The following GLDC variants were observed in gnomAD, a reference collection of about 807,000 sequenced individuals.
GLDC encodes glycine dehydrogenase (decarboxylating), mitochondrial.
Under a neutral mutation model 121.3 loss-of-function variants are expected in GLDC, and 104 were observed. The observed-to-expected ratio is 0.86, with a 90% CI of 0.73 to 1.01. The LOEUF is 1.01. GLDC is among the 50% of genes least tolerant of loss of function. GLDC has a pLI of 0.00. For synonymous variants in GLDC, 546 were observed against 480.6 expected, an observed-to-expected ratio of 1.14 and a Z score of -1.78; for missense variants, 1,429 against 1,306.6, an observed-to-expected ratio of 1.09 and a Z score of -1.44.
chr9:6,579,505 TC>T (rs1298778959), intron 15 of GLDC, among the ~76,000 whole-genome samples: 1 of 148,536 alleles, frequency 6.7e-6, no homozygotes, highest in Non-Finnish European at 1.5e-5. Flanking sequence ...GAGTATCCCA[TC>T]CTGATTATTT....
intron 15 of GLDC, among the ~76,000 whole-genome samples, chr9:6,581,883 T>C (rs902853271): frequency 6.6e-6 from 1 of 152,148 alleles, no homozygotes; most frequent in Non-Finnish European, 1.5e-5. Context: ...ATTCATGGAA[T>C]GATAGGTAAT....
intron 4 of GLDC, among the ~76,000 whole-genome samples, chr9:6,607,104 C>A (rs1818750949): frequency 6.6e-6 from 1 of 152,058 alleles, no homozygotes; most frequent in African/African-American, 2.4e-5. Context: ...TCATCAGTAA[C>A]TAATGGCATT....
At position 6,533,074 on chromosome 9, in the gene GLDC, G is replaced by C. The variant is rs1333400037; in HGVS notation, c.3006C>G (p.Cys1002Trp). ...GAGACTCATAAACTTCCATGGGTGG[G>C]CAGGTACAAACCAGGTGCTGATCTC... ...IYGDQHLVCT[C>W]PPMEVYESPF... Residue 1002 changes from cysteine (C) to tryptophan (W), a missense_variant, in exon 25 of 25, where the codon TGC (cysteine) becomes TGG (tryptophan). Transcript: ENST00000321612. The C allele has an allele frequency of 6.2e-7, 1 of 1,610,760 alleles. No homozygotes were observed. Among genetic ancestry groups the C allele is most frequent in the African/African-American group, 1.3e-5 (1 of 74,854 alleles).
chr9:6,540,274 T>A, intron 21 of GLDC, 128 bp from the exon 22 acceptor site: 1 of 719,918 alleles, frequency 1.4e-6, no homozygotes, highest in South Asian at 1.5e-5. Context: ...CAAGAAGCCA[T>A]GGGCACCGGG....
chr9:6,593,971 G>A (rs1426739086), intron 9 of GLDC, among the ~76,000 whole-genome samples: 1 of 152,016 alleles, frequency 6.6e-6, no homozygotes, highest in African/African-American at 2.4e-5. Flanking sequence ...AGGATTACAG[G>A]CATGAGCCAC....
Position 6,641,745 on chromosome 9 carries a change from T to C in GLDC, c.334+2869A>G, listed in dbSNP as rs1228405648. ...ATAAATGTCTGAGATTACTGAGTTA[T>C]GTGTAATAAGTAACCCAAGTATTTC... On this transcript the variant is annotated intron_variant, in intron 2 of 24. Coordinates refer to ENST00000321612, the MANE Select transcript of GLDC (RefSeq NM_000170.3). 2.6e-5 allele frequency among the ~76,000 whole-genome samples: 4 copies of C among 152,264 alleles called. 1 individual carries two copies. Among genetic ancestry groups the C allele is most frequent in the South Asian group, 4.1e-4 (2 of 4,830 alleles).
intron 2 of GLDC, among the ~76,000 whole-genome samples, chr9:6,633,314 C>G (rs1399928309): frequency 6.6e-6 from 1 of 152,120 alleles, no homozygotes; most frequent in Middle Eastern, 3.2e-3. Context: ...GCTTTTCTTT[C>G]TTCCCCACAC....
At chr9:6,628,724 G>T (rs915641416) in intron 2 of GLDC, among the ~76,000 whole-genome samples, 12 of 152,232 alleles carry the variant, frequency 7.9e-5, no homozygotes, top group African/African-American at 2.9e-4. Context: ...CTGGGTGACA[G>T]AGTGAGACCC....
chr9:6,635,851 G>A (rs1294356480), intron 2 of GLDC, among the ~76,000 whole-genome samples: 1 of 151,268 alleles, frequency 6.6e-6, no homozygotes, highest in Non-Finnish European at 1.5e-5. Context: ...GTCGAGCCTG[G>A]GTGACATAGC....
At chr9:6,579,159 C>T (rs1370034358) in intron 15 of GLDC, among the ~76,000 whole-genome samples, 1 of 152,056 alleles carries the variant, frequency 6.6e-6, no homozygotes, top group Non-Finnish European at 1.5e-5. Flanking sequence ...TTTCCTTAGG[C>T]AAGAAAAGAG....
At chr9:6,549,281 C>G (rs1422177818) in intron 21 of GLDC, among the ~76,000 whole-genome samples, 3 of 151,768 alleles carry the variant, frequency 2.0e-5, no homozygotes, top group South Asian at 2.1e-4. Flanking sequence ...GCAGCCTCCA[C>G]TCTCTCCTGG....
At chr9:6,637,684 G>A (rs1461640939) in intron 2 of GLDC, among the ~76,000 whole-genome samples, 1 of 151,898 alleles carries the variant, frequency 6.6e-6, no homozygotes, top group East Asian at 1.9e-4. Flanking sequence ...CCAGGCTGAT[G>A]CTGAACTCCT....
chr9:6,597,927 CGT>C (rs1818523154), intron 8 of GLDC, among the ~76,000 whole-genome samples: 1 of 107,208 alleles, frequency 9.3e-6, no homozygotes. Flanking sequence ...GAGCGAGACT[CGT>C]CTCCAAAAAA....
intron 18 of GLDC, chr9:6,555,037 G>T: frequency 1.8e-6 from 1 of 549,002 alleles, no homozygotes; most frequent in South Asian, 2.0e-5. Context: ...TAAAAATATG[G>T]ATTTGAATAC....
chr9:6,627,430 T>C (rs1394653521), intron 2 of GLDC, among the ~76,000 whole-genome samples: 2 of 152,034 alleles, frequency 1.3e-5, no homozygotes, highest in African/African-American at 4.8e-5. Flanking sequence ...TACTCTAGTC[T>C]CTATAGGACC....
chr9:6,540,308 G>A (rs1328969875), intron 21 of GLDC, 162 bp from the exon 22 acceptor site: 1 of 650,486 alleles, frequency 1.5e-6, no homozygotes. Context: ...GGCAATAAAG[G>A]TTTCATTTAG....
At chr9:6,574,999 C>A (rs1818036093) in intron 15 of GLDC, among the ~76,000 whole-genome samples, 1 of 152,090 alleles carries the variant, frequency 6.6e-6, no homozygotes, top group Admixed American at 6.6e-5. Flanking sequence ...GCTCTCCAAC[C>A]CAGTGATGCA....
rs1200399836 is a variant in GLDC, at chr9:6,602,109, C to G, written c.1155G>C (p.Gln385His). The G allele has an allele frequency of 6.3e-7, 1 of 1,589,748 alleles. No individual in the cohort carries two copies. The highest frequency in any genetic ancestry group is 1.7e-5 in the Admixed American group (1 of 59,992). Residue 385 changes from glutamine (Q) to histidine (H), a missense_variant and splice_region_variant, in exon 8 of 25, where the codon CAG becomes CAC. Gln to His is a conservative substitution (Grantham distance 24). Coordinates refer to ENST00000321612, the MANE Select transcript of GLDC (RefSeq NM_000170.3). The part of the protein sequence containing the change: ...DKATSNICTA[Q>H]ALLANMAAMF... Reference sequence around the variant, plus strand: ...TAGTCAGGTCAGACGTGTGATTTACCTGAGCTGTACAGATGTTGCTGGTAG... The same window carrying G: ...TAGTCAGGTCAGACGTGTGATTTACGTGAGCTGTACAGATGTTGCTGGTAG...
chr9:6,624,208 T>C (rs1819184687), intron 2 of GLDC, among the ~76,000 whole-genome samples: 2 of 152,292 alleles, frequency 1.3e-5, no homozygotes, highest in East Asian at 1.9e-4. Context: ...ACAAGTTGAA[T>C]TGTGTTCCCA....
Sources: allele counts gnomAD v4.1 joint callset (sites outside exome capture counted in the v4.1 genomes callset), GRCh38; gene constraint gnomAD v4.1.1; transcripts MANE v1.5; gene names NCBI Gene and HGNC (gene_info 2026-07-23, HGNC 2026-07-21).